The following TAC4 variants were observed in gnomAD, a reference collection of about 807,000 sequenced individuals.
The protein encoded by TAC4 is tachykinin-4.
In TAC4, 17 loss-of-function variants were observed where a neutral mutation model predicts 17.7. The observed-to-expected ratio is 0.96, with a 90% CI of 0.66 to 1.44. TAC4 has a LOEUF of 1.44. Ranked by LOEUF, TAC4 falls within the 40% of genes most tolerant of loss-of-function variation. The pLI, the probability that TAC4 is intolerant of heterozygous loss-of-function variation, is 0.00. For synonymous variants in TAC4, 62 were observed against 52.4 expected (o/e 1.18, Z -0.79); for missense variants, 118 against 125.6 (o/e 0.94, Z 0.29).
At position 49,848,056 on chromosome 17, in the gene TAC4, C is replaced by T. The variant is rs2074559504; in HGVS notation, c.-39G>A. On this transcript the variant is annotated 5_prime_UTR_variant, in exon 1 of 5. Coordinates refer to ENST00000436235, the MANE Select transcript of TAC4 (RefSeq NM_001077506.2). ...TGTCCTGGAATCTCTGGGAGCCCCT[C>T]TCAGCTTGAAGATGCCTCCTGCAGG... is the stretch of plus-strand genomic sequence containing the variant. 1 of 1,610,656 alleles carries T rather than the reference C, an allele frequency of 6.2e-7. No individual in the cohort carries two copies. The highest frequency in any genetic ancestry group is 1.3e-5 in the African/African-American group (1 of 74,884).
Position 49,841,593 on chromosome 17 carries a change from AG to A in TAC4, c.200-10del. The A allele has an allele frequency of 6.4e-7, 1 of 1,557,718 alleles. No homozygotes were observed. The highest frequency in any genetic ancestry group is 8.6e-7 in the Non-Finnish European group (1 of 1,159,412). On this transcript the variant is annotated splice_polypyrimidine_tract_variant and intron_variant, in intron 2 of 4. Transcript: ENST00000436235. ...CTGGATCAGAGGTCTTCCTGGGGGA[AG>A]GAGAAGGAATGAGGACTACGGACTG...
In TAC4 at chr17:49,839,836, C is replaced by T. The variant is rs141473647; in HGVS notation, c.292+14G>A. 3.4e-3 allele frequency: 5,453 copies of T among 1,605,980 alleles called. 251 individuals are homozygous for T. In the Admixed American group the frequency reaches 0.079, roughly 23 times the overall value. On this transcript the variant is annotated intron_variant, in intron 4 of 4. Transcript: ENST00000436235. ...CCCATGATGCCCTTGCAACCACCAG[C>T]GGCTCTTGCCTACCTTCTGTGAACA...
chr17:49,839,822 C>G, intron 4 of TAC4, 28 bp downstream of exon 4: 2 of 1,602,708 alleles, frequency 1.2e-6, no homozygotes, highest in Non-Finnish European at 1.7e-6. Context: ...CCATGATGCC[C>G]TTGCAACCAC....
At position 49,838,570 on chromosome 17, in the gene TAC4, G is replaced by A. The variant is rs550026450; in HGVS notation, c.*72C>T. The A allele has an allele frequency of 2.5e-5, 40 of 1,593,600 alleles. No individual in the cohort carries two copies. Among genetic ancestry groups the A allele is most frequent in the Admixed American group, 1.7e-4 (10 of 59,878 alleles). ...ACACAGAGAAGAGAGTTGGCCTGCC[G>A]GCTTGTCAGCTGTGACATCCAGGTA... On this transcript the variant is annotated 3_prime_UTR_variant, in exon 5 of 5. Transcript: ENST00000436235.
intron 2 of TAC4, among the ~76,000 whole-genome samples, chr17:49,843,127 A>T (rs2074510975): frequency 6.6e-6 from 1 of 152,242 alleles, no homozygotes; most frequent in Non-Finnish European, 1.5e-5. Flanking sequence ...TCAGAAAGGT[A>T]AGCACATTTC....
At chr17:49,846,043 G>A in intron 1 of TAC4, 1 of 322,606 alleles carries the variant, frequency 3.1e-6, no homozygotes, top group Non-Finnish European at 5.7e-6. Flanking sequence ...TGGAGAGAAT[G>A]GCCACTTATG....
At chr17:49,847,877 G>C in intron 1 of TAC4, 36 bp downstream of exon 1, 1 of 1,613,798 alleles carries the variant, frequency 6.2e-7, no homozygotes. Context: ...CCTCGTCAGA[G>C]CCTCTCCCCA....
At chr17:49,838,694 G>C in intron 4 of TAC4, 21 bp from the exon 5 acceptor site, 2 of 1,610,998 alleles carry the variant, frequency 1.2e-6, no homozygotes, top group Admixed American at 1.7e-5. Context: ...TTTGGTATAT[G>C]AACCATGGTT....
At position 49,847,942 on chromosome 17, in the gene TAC4, G is replaced by C. The variant is rs778446740; in HGVS notation, c.76C>G (p.Gln26Glu). Residue 26 changes from glutamine to glutamate, a missense_variant, in exon 1 of 5, where the codon CAG (glutamine) becomes GAG (glutamate). By Grantham distance (29) the Gln-to-Glu change is conservative. Coordinates refer to ENST00000436235, the MANE Select transcript of TAC4 (RefSeq NM_001077506.2). ...CTVAGDGGEE[Q>E]TLSTEAETWE... Reference sequence around the variant, plus strand: ...GTCTCTGCTTCAGTGCTGAGTGTCTGTTCCTCTCCACCATCACCTGCCACA... The same window carrying C: ...GTCTCTGCTTCAGTGCTGAGTGTCTCTTCCTCTCCACCATCACCTGCCACA... 2 of 1,614,152 alleles carry C rather than the reference G, an allele frequency of 1.2e-6. No individual in the cohort carries two copies. Among genetic ancestry groups the C allele is most frequent in the Non-Finnish European group, 8.5e-7 (1 of 1,180,024 alleles).
chr17:49,847,923 G>A lies in TAC4; in HGVS notation c.95C>T (p.Ala32Val), dbSNP rs1482777458. ...CAAGGCCACAATTACCCAGGTCTCTGCTTCAGTGCTGAGTGTCTGTTCCTC... is the reference window on the plus strand; with the variant it reads ...CAAGGCCACAATTACCCAGGTCTCTACTTCAGTGCTGAGTGTCTGTTCCTC... ...GGEEQTLSTE[A>V]ETWEGAGPSI... Residue 32 changes from alanine to valine, a missense_variant, in exon 1 of 5, where the codon GCA becomes GTA. Physicochemically the swap from Ala to Val is moderately conservative, Grantham distance 64 (BLOSUM62 0). Coordinates refer to ENST00000436235, the MANE Select transcript of TAC4 (RefSeq NM_001077506.2). 1.9e-6 allele frequency: 3 copies of A among 1,613,950 alleles called. No homozygotes were observed. The African/African-American group carries it at 4.0e-5, about 22-fold the overall frequency.
chr17:49,844,647 A>T (rs111768221), intron 1 of TAC4, among the ~76,000 whole-genome samples: 5 of 152,268 alleles, frequency 3.3e-5, no homozygotes, highest in African/African-American at 1.2e-4. Context: ...AATCCCAGCT[A>T]CTCAGGAGGC....
At chr17:49,839,796 G>C in intron 4 of TAC4, 54 bp downstream of exon 4, 2 of 1,546,452 alleles carry the variant, frequency 1.3e-6, no homozygotes, top group Non-Finnish European at 1.8e-6. Flanking sequence ...TGGCAGCAAA[G>C]TGTCTGGCCA....
rs2074491566 is a variant in TAC4 at position 49,840,789 on chromosome 17, C to T, written c.232+763G>A. 2.0e-5 allele frequency among the ~76,000 whole-genome samples: 3 copies of T among 151,890 alleles called. 1 individual carries two copies. The South Asian group carries it at 6.2e-4, about 32-fold the overall frequency. On this transcript the variant is annotated intron_variant, in intron 3 of 4. Coordinates refer to ENST00000436235, the MANE Select transcript of TAC4 (RefSeq NM_001077506.2). ...AAATGCTGGGATTATAGGCGTGAGC[C>T]ACCACACCCACCTGGCCAGTTGGTA...
At chr17:49,844,247 C>T in intron 1 of TAC4, 90 bp from the exon 2 acceptor site, 1 of 1,249,492 alleles carries the variant, frequency 8.0e-7, no homozygotes, top group South Asian at 1.2e-5. Context: ...GGAGTGACAG[C>T]TGGTGGTCAG....
Position 49,844,118 on chromosome 17 carries a change from C to A in TAC4, c.145G>T (p.Val49Leu). 1.2e-6 allele frequency: 2 copies of A among 1,613,974 alleles called. No individual in the cohort carries two copies. Among genetic ancestry groups the A allele is most frequent in the Non-Finnish European group, 1.7e-6 (2 of 1,179,846 alleles). ...GPSIQLQLQEVKTGKASQFFG... is the reference protein window; with the variant it reads ...GPSIQLQLQELKTGKASQFFG... ...AACTGGCTTGCCTTGCCCGTCTTCA[C>A]CTCCTGCAGCTGGAGCTGAATGCTG... Residue 49 changes from valine (V) to leucine (L), a missense_variant, in exon 2 of 5, where the codon GTG (valine) becomes TTG (leucine). Physicochemically the swap from Val to Leu is conservative, Grantham distance 32 (BLOSUM62 1). Transcript: ENST00000436235.
chr17:49,839,475 C>G (rs2074480675), intron 4 of TAC4, among the ~76,000 whole-genome samples: 1 of 152,214 alleles, frequency 6.6e-6, no homozygotes, highest in South Asian at 2.1e-4. Flanking sequence ...AGGCATGACC[C>G]TCTAATGATC....
intron 2 of TAC4, among the ~76,000 whole-genome samples, chr17:49,841,808 A>G (rs902625373): frequency 1.3e-5 from 2 of 151,580 alleles, no homozygotes; most frequent in African/African-American, 4.9e-5. Context: ...ACCTGGTGCC[A>G]GCTGGGTGGG....
intron 1 of TAC4, chr17:49,846,291 T>A (rs552852499): frequency 8.0e-7 from 1 of 1,253,778 alleles, no homozygotes; most frequent in East Asian, 5.6e-5. Context: ...TTTTTTTTTT[T>A]TTTGAGACAG....
At position 49,841,437 on chromosome 17, in the gene TAC4, A is replaced by G; in HGVS notation, c.232+115T>C. On this transcript the variant is annotated intron_variant, in intron 3 of 4. Coordinates refer to ENST00000436235, the MANE Select transcript of TAC4 (RefSeq NM_001077506.2). ...GGCCCCACCTCTGCACAGCAATGCC[A>G]GCCTGGCTTGCCCCTGGCCAGAGCA... 5 of 1,136,354 alleles carry G rather than the reference A, an allele frequency of 4.4e-6. No homozygotes were observed. The South Asian group carries it at 7.5e-5, about 17-fold the overall frequency. The allele number at this position is 1,136,354 out of a possible 1,614,324, so 70.4% of individuals were successfully genotyped here.
Sources: gnomAD v4.1 joint callset for allele counts (sites outside exome capture counted in the v4.1 genomes callset) on GRCh38, gnomAD v4.1.1 for gene constraint, MANE v1.5 for transcripts, NCBI Gene and HGNC (gene_info 2026-07-23, HGNC 2026-07-21) for gene names.